Variants in KLRG1 observed in about 807,000 individuals in gnomAD.
KLRG1 encodes killer cell lectin-like receptor subfamily G member 1.
A neutral mutation model predicts 21.8 loss-of-function variants in KLRG1; 16 were observed. The ratio of observed to expected loss-of-function variants is 0.73; its 90% CI spans 0.50 to 1.11. The LOEUF (loss-of-function observed/expected upper bound fraction) is 1.11, where lower values mean the gene tolerates loss of function less well. KLRG1 is among the 50% of genes most tolerant of loss of function. The pLI, the probability that KLRG1 is intolerant of heterozygous loss-of-function variation, is 0.00. For synonymous variants in KLRG1, 69 were observed against 75.9 expected (o/e 0.91, Z 0.47); for missense variants, 173 against 218.3 (o/e 0.79, Z 1.31).
intron 3 of KLRG1, among the ~76,000 whole-genome samples, chr12:9,006,481 G>C (rs1947478252): frequency 6.6e-6 from 1 of 152,194 alleles, no homozygotes. Context: ...TGGAACCTAG[G>C]AAGTGAGTAA....
At chr12:9,138,037 T>C in the KLRG1 span, among the ~76,000 whole-genome samples, 1 of 152,078 alleles carries the variant, frequency 6.6e-6, no homozygotes, top group Non-Finnish European at 1.5e-5. Context: ...CTGTTCTGGC[T>C]AGGGCTTTGG....
chr12:9,073,377 T>A, the KLRG1 span, among the ~76,000 whole-genome samples: 8 of 152,338 alleles, frequency 5.3e-5, no homozygotes, highest in East Asian at 1.5e-3. Flanking sequence ...AGATGAGTAT[T>A]ATAATTATCT....
At chr12:9,033,374 GATAGAGGCTACA>G in the KLRG1 span, among the ~76,000 whole-genome samples, 7 of 152,012 alleles carry the variant, frequency 4.6e-5, no homozygotes, top group Non-Finnish European at 1.0e-4. Flanking sequence ...GAGCCTGGGT[GATAGAGGCTACA>G]ATGGGCTACA....
chr12:9,090,410 T>A, the KLRG1 span: 1 of 1,613,994 alleles, frequency 6.2e-7, no homozygotes. Flanking sequence ...TTTGCACAGA[T>A]GCAGTGAGGC....
In KLRG1 at chr12:8,982,448, A is replaced by C. The variant is rs763157351; in HGVS notation, c.-155-9758A>C. ...ACTTCTGACCTACAAAACTTTAAGA[A>C]AATAAATATATGTTATGTTAAGTCA... On this transcript the variant is annotated intron_variant, in intron 1 of 4. Coordinates refer to the KLRG1 transcript ENST00000539240. 3.3e-5 allele frequency among the ~76,000 whole-genome samples: 5 copies of C among 152,328 alleles called. No homozygotes were observed. The South Asian group carries it at 6.2e-4, about 19-fold the overall frequency.
At chr12:9,049,678 A>G in the KLRG1 span, among the ~76,000 whole-genome samples, 1 of 151,656 alleles carries the variant, frequency 6.6e-6, no homozygotes, top group East Asian at 1.9e-4. Context: ...TTTTTACGAG[A>G]TTTTTAATGA....
At chr12:9,135,508 G>A in the KLRG1 span, 1 of 360,220 alleles carries the variant, frequency 2.8e-6, no homozygotes, top group Non-Finnish European at 5.3e-6. Flanking sequence ...CATACAAATG[G>A]TAGACAGCTG....
the KLRG1 span, among the ~76,000 whole-genome samples, chr12:9,054,482 A>C: frequency 6.6e-6 from 1 of 152,204 alleles, no homozygotes; most frequent in Admixed American, 6.5e-5. Context: ...TATAGGGTAC[A>C]TGTATTTTTA....
At chr12:9,080,873 A>T in the KLRG1 span, among the ~76,000 whole-genome samples, 2 of 151,872 alleles carry the variant, frequency 1.3e-5, no homozygotes, top group East Asian at 1.9e-4. Context: ...AATGTTTCTT[A>T]AAAAAAAGCC....
the KLRG1 span, chr12:9,090,440 G>A: frequency 6.2e-7 from 1 of 1,613,936 alleles, no homozygotes; most frequent in East Asian, 2.2e-5. Context: ...TTCTCCACTG[G>A]GACAGCTAGG....
the KLRG1 span, among the ~76,000 whole-genome samples, chr12:9,166,432 G>A: frequency 1.3e-5 from 2 of 152,150 alleles, no homozygotes; most frequent in Non-Finnish European, 2.9e-5. Flanking sequence ...ATAATTTGAT[G>A]TGAATGGAAG....
At position 9,010,183 on chromosome 12, in the gene KLRG1, C is replaced by A; in HGVS notation, c.*646C>A. The A allele has an allele frequency of 2.0e-5, 9 of 454,694 alleles. No individual in the cohort carries two copies. The highest frequency in any genetic ancestry group is 3.1e-5 in the Non-Finnish European group (8 of 261,858). The allele number at this position is 454,694 out of a possible 1,614,324, so 28.2% of individuals were successfully genotyped here. A position where few individuals can be genotyped will look rare whatever the true frequency, so the allele number is the denominator to read the frequency against. On this transcript the variant is annotated 3_prime_UTR_variant, in exon 5 of 5. Coordinates refer to ENST00000356986, the MANE Select transcript of KLRG1 (RefSeq NM_005810.4). Reference sequence around the variant, plus strand: ...CCTGGGAGATAGAGCAAGACTCCATCTCTAAAAAAAAAAAAAAATGCTAAT... The same window carrying A: ...CCTGGGAGATAGAGCAAGACTCCATATCTAAAAAAAAAAAAAAATGCTAAT...
intron 3 of KLRG1, among the ~76,000 whole-genome samples, chr12:9,005,356 A>G: frequency 6.6e-6 from 1 of 152,278 alleles, no homozygotes; most frequent in East Asian, 1.9e-4. Flanking sequence ...GTATAATAAT[A>G]AAAAATGAAA....
intron 1 of KLRG1, among the ~76,000 whole-genome samples, chr12:8,957,868 A>G (rs1946321018): frequency 6.6e-6 from 1 of 152,100 alleles, no homozygotes; most frequent in Non-Finnish European, 1.5e-5. Context: ...TGAGTAGTTT[A>G]TTTCTGGAAT....
At chr12:9,151,406 T>A in the KLRG1 span, among the ~76,000 whole-genome samples, 1 of 152,358 alleles carries the variant, frequency 6.6e-6, no homozygotes, top group African/African-American at 2.4e-5. Flanking sequence ...ATATTCCAAT[T>A]TTAACACAAT....
the KLRG1 span, among the ~76,000 whole-genome samples, chr12:9,209,550 A>C: frequency 6.6e-6 from 1 of 152,098 alleles, no homozygotes; most frequent in African/African-American, 2.4e-5. Flanking sequence ...TCTTCTTAAG[A>C]AATGAAAGAT....
the KLRG1 span, among the ~76,000 whole-genome samples, chr12:9,117,842 C>A: frequency 6.6e-6 from 1 of 151,546 alleles, no homozygotes; most frequent in Non-Finnish European, 1.5e-5. Flanking sequence ...AAAATATGAT[C>A]ATTTCAACAT....
the KLRG1 span, among the ~76,000 whole-genome samples, chr12:9,087,069 A>G: frequency 6.6e-6 from 1 of 152,186 alleles, no homozygotes; most frequent in Non-Finnish European, 1.5e-5. Context: ...AAATCTAATC[A>G]AGGAGGTGAA....
upstream of KLRG1, among the ~76,000 whole-genome samples, chr12:8,986,766 G>T (rs1240433558): frequency 3.3e-5 from 5 of 152,172 alleles, no homozygotes; most frequent in African/African-American, 1.2e-4. Flanking sequence ...GTAATCTCCA[G>T]TGTTGGAGAT....
Sources: allele counts gnomAD v4.1 joint callset (sites outside exome capture counted in the v4.1 genomes callset), GRCh38; gene constraint gnomAD v4.1.1; transcripts MANE v1.5; gene names NCBI Gene and HGNC (gene_info 2026-07-23, HGNC 2026-07-21).